GSK3B: variants seen among roughly 807,000 people sequenced by gnomAD.
The protein encoded by GSK3B is glycogen synthase kinase-3 beta.
In GSK3B, 15 loss-of-function variants were observed where a neutral mutation model predicts 56.4. The ratio of observed to expected loss-of-function variants is 0.27; its 90% CI spans 0.18 to 0.41. The LOEUF is 0.41. Ranked by LOEUF, GSK3B falls within the 10% of genes least tolerant of loss-of-function variation. The pLI, the probability that GSK3B is intolerant of heterozygous loss-of-function variation, is 1.00. For missense variants in GSK3B, 300 were observed against 513.4 expected, an observed-to-expected ratio of 0.58 and a Z score of 4.02; for synonymous variants, 181 against 188.9, an observed-to-expected ratio of 0.96 and a Z score of 0.34.
intron 2 of GSK3B, among the ~76,000 whole-genome samples, chr3:119,964,290 T>C (rs569269217): frequency 4.6e-4 from 70 of 152,290 alleles, no homozygotes; most frequent in East Asian, 2.7e-3. Flanking sequence ...TCCAAAAGAA[T>C]TGCAATTAGG....
intron 7 of GSK3B, among the ~76,000 whole-genome samples, chr3:119,885,579 G>A (rs990671124): frequency 1.3e-5 from 2 of 152,088 alleles, no homozygotes; most frequent in Non-Finnish European, 2.9e-5. Flanking sequence ...AACCAAAAAA[G>A]AGCCCATATA....
intron 8 of GSK3B, chr3:119,866,779 A>C: frequency 1.7e-6 from 1 of 581,298 alleles, no homozygotes; most frequent in Non-Finnish European, 3.0e-6. Context: ...AACTTTAAAC[A>C]TCAGTCTTCA....
chr3:120,033,039 C>G lies in GSK3B; in HGVS notation c.89-30800G>C, dbSNP rs531437881. ...TCCTTCCATTCCAGCCCTAAGGAAA[C>G]AGTAACCTACTTTCTGTCTACAGAT... is the stretch of plus-strand genomic sequence containing the variant. On this transcript the variant is annotated intron_variant, in intron 1 of 10. Coordinates refer to ENST00000264235, the MANE Select transcript of GSK3B (RefSeq NM_001146156.2). Among the ~76,000 whole-genome samples the G allele has an allele frequency of 1.6e-4, 25 of 152,268 alleles. No homozygotes were observed. The East Asian group carries it at 4.6e-3, about 28-fold the overall frequency.
intron 5 of GSK3B, 148 bp downstream of exon 5, chr3:119,915,896 A>G (rs2056775540): frequency 1.8e-6 from 1 of 552,304 alleles, no homozygotes; most frequent in Non-Finnish European, 3.2e-6. Context: ...AGAAACTAAC[A>G]AAACTACTCT....
chr3:119,852,233 T>C (rs970778795), intron 9 of GSK3B, among the ~76,000 whole-genome samples: 5 of 152,244 alleles, frequency 3.3e-5, no homozygotes, highest in South Asian at 2.1e-4. Context: ...CACCAAAAAA[T>C]GTCTGAATGC....
At chr3:120,073,220 A>AG (rs2058340558) in intron 1 of GSK3B, among the ~76,000 whole-genome samples, 2 of 76,250 alleles carry the variant, frequency 2.6e-5, no homozygotes, top group African/African-American at 9.9e-5. Flanking sequence ...AAAAAAAATT[A>AG]AAAAAAAAAA....
At chr3:119,971,825 A>T (rs548117672) in intron 2 of GSK3B, among the ~76,000 whole-genome samples, 3 of 150,982 alleles carry the variant, frequency 2.0e-5, no homozygotes, top group Admixed American at 2.0e-4. Context: ...TTTAGCCGGG[A>T]TGGTCTCGAT....
chr3:119,925,076 C>G (rs2056877764), intron 3 of GSK3B, among the ~76,000 whole-genome samples: 1 of 152,190 alleles, frequency 6.6e-6, no homozygotes, highest in Admixed American at 6.5e-5. Context: ...CGCCTGTAAT[C>G]CCAGCATTTT....
At chr3:119,964,374 T>A (rs1026222525) in intron 2 of GSK3B, among the ~76,000 whole-genome samples, 1 of 152,156 alleles carries the variant, frequency 6.6e-6, no homozygotes, top group Non-Finnish European at 1.5e-5. Context: ...AAAACCCAGA[T>A]GAATTGATAA....
chr3:119,952,792 A>T (rs1276100966), intron 2 of GSK3B, among the ~76,000 whole-genome samples: 6 of 152,136 alleles, frequency 3.9e-5, no homozygotes, highest in Non-Finnish European at 8.8e-5. Context: ...AGAAAGGAAG[A>T]ATAAAGACAT....
intron 1 of GSK3B, among the ~76,000 whole-genome samples, chr3:120,062,054 A>C (rs1306967434): frequency 6.6e-6 from 1 of 152,120 alleles, no homozygotes; most frequent in Non-Finnish European, 1.5e-5. Flanking sequence ...ATTATCCTTT[A>C]GCAACATACC....
intron 4 of GSK3B, among the ~76,000 whole-genome samples, chr3:119,921,010 C>T (rs1234559938): frequency 6.6e-6 from 1 of 152,112 alleles, no homozygotes; most frequent in Non-Finnish European, 1.5e-5. Context: ...ACAAGGTCTT[C>T]TTGAAGAAAA....
At chr3:119,905,701 T>C in intron 7 of GSK3B, 54 bp downstream of exon 7, 1 of 990,250 alleles carries the variant, frequency 1.0e-6, no homozygotes, top group South Asian at 1.3e-5. Context: ...TATATATTAT[T>C]AAAGTAGCAC....
At chr3:120,034,079 G>C (rs1017339815) in intron 1 of GSK3B, among the ~76,000 whole-genome samples, 4 of 151,018 alleles carry the variant, frequency 2.6e-5, no homozygotes, top group African/African-American at 9.8e-5. Flanking sequence ...ATTTTTAATT[G>C]GACTTTATTT....
At chr3:119,958,419 G>A (rs1408831576) in intron 2 of GSK3B, among the ~76,000 whole-genome samples, 3 of 152,052 alleles carry the variant, frequency 2.0e-5, no homozygotes. Flanking sequence ...GCTCATGCCT[G>A]TAATCCCAGC....
chr3:119,991,971 T>C (rs754338048), intron 2 of GSK3B, among the ~76,000 whole-genome samples: 1 of 152,084 alleles, frequency 6.6e-6, no homozygotes, highest in African/African-American at 2.4e-5. Flanking sequence ...GACATAAAAG[T>C]AGATTTGAAC....
intron 1 of GSK3B, among the ~76,000 whole-genome samples, chr3:120,038,149 G>C (rs574666498): frequency 6.6e-6 from 1 of 152,116 alleles, no homozygotes; most frequent in Non-Finnish European, 1.5e-5. Context: ...GAGCCCAGGC[G>C]CTTACTCAAC....
At chr3:119,930,124 C>T (rs1366170632) in intron 3 of GSK3B, among the ~76,000 whole-genome samples, 6 of 140,150 alleles carry the variant, frequency 4.3e-5, no homozygotes, top group Non-Finnish European at 9.7e-5. Context: ...CACACACACA[C>T]GTGCGCATGC....
chr3:120,049,533 A>T (rs974501377), intron 1 of GSK3B, among the ~76,000 whole-genome samples: 2 of 152,246 alleles, frequency 1.3e-5, no homozygotes, highest in Admixed American at 1.3e-4. Context: ...TTTAAGGCAG[A>T]GGTAAAAGCA....
Sources: allele counts gnomAD v4.1 joint callset (sites outside exome capture counted in the v4.1 genomes callset), GRCh38; gene constraint gnomAD v4.1.1; transcripts MANE v1.5; gene names NCBI Gene and HGNC (gene_info 2026-07-23, HGNC 2026-07-21).